The following DDX6 variants were observed in gnomAD, a reference collection of about 807,000 sequenced individuals.
DDX6 encodes the protein probable ATP-dependent RNA helicase DDX6.
Under a neutral mutation model 60.6 loss-of-function variants are expected in DDX6, and 7 were observed. The ratio of observed to expected loss-of-function variants is 0.12; its 90% CI spans 0.07 to 0.22. The LOEUF (loss-of-function observed/expected upper bound fraction) is 0.22, where lower values mean the gene tolerates loss of function less well. DDX6 is among the 10% of genes least tolerant of loss of function. The pLI is 1.00. For synonymous variants in DDX6, 207 were observed against 201.0 expected, an observed-to-expected ratio of 1.03 and a Z score of -0.25; for missense variants, 270 against 589.9, an observed-to-expected ratio of 0.46 and a Z score of 5.62.
chr11:118,750,840 A>G lies in DDX6; in HGVS notation c.*1265T>C, dbSNP rs555298949. ...GCTCTCTCTGGTAAACCTACTCCAA[A>G]GGTACTAGATGAGACAGTGTGGCAG... On this transcript the variant is annotated 3_prime_UTR_variant, in exon 14 of 14. Coordinates refer to ENST00000534980, the MANE Select transcript of DDX6 (RefSeq NM_004397.6). The G allele has an allele frequency of 7.2e-5, 11 of 152,550 alleles. 1 individual carries two copies. The South Asian group carries it at 2.1e-3, about 29-fold the overall frequency. 9.4% of individuals were successfully genotyped at this position (152,550 alleles called of 1,614,324 possible).
intron 4 of DDX6, among the ~76,000 whole-genome samples, chr11:118,777,412 A>T (rs1555163800): frequency 6.6e-6 from 1 of 152,152 alleles, no homozygotes; most frequent in Admixed American, 6.5e-5. Context: ...GTGTGTGTGG[A>T]TATGTATATA....
Position 118,783,021 on chromosome 11 carries a change from C to T in DDX6, c.201-1837G>A, listed in dbSNP as rs1049128908. ...TTCAACAAAATAGTGAATAATAATG[C>T]GTAAGATACAATGCAAAACCTGACC... On this transcript the variant is annotated intron_variant, in intron 2 of 13. Transcript: ENST00000534980. Among the ~76,000 whole-genome samples, 18 of 151,930 alleles carry T rather than the reference C, an allele frequency of 1.2e-4. 1 individual carries two copies. The highest frequency in any genetic ancestry group is 1.9e-4 in the East Asian group (1 of 5,202).
intron 1 of DDX6, chr11:118,787,392 C>G (rs1398658091): frequency 6.6e-6 from 1 of 152,228 alleles, no homozygotes; most frequent in Non-Finnish European, 1.5e-5. Context: ...CTGCTTGAAC[C>G]CAGGAGGCGG....
chr11:118,756,851 A>G (rs1555159081), intron 10 of DDX6, among the ~76,000 whole-genome samples: 1 of 150,608 alleles, frequency 6.6e-6, no homozygotes, highest in African/African-American at 2.5e-5. Flanking sequence ...ACATGTGGCT[A>G]TTTACTGTAT....
intron 2 of DDX6, 35 bp downstream of exon 2, chr11:118,786,017 A>G (rs930218242): frequency 2.5e-6 from 4 of 1,585,908 alleles, no homozygotes; most frequent in African/African-American, 1.3e-5. Context: ...TTGGTTCCCC[A>G]CAAGTGTTTA....
rs1860619696 is a variant in DDX6 at position 118,747,997 on chromosome 11, T to C, written c.*4108A>G. ...AAATTTTGAGTTCCCACTGTTCACT[T>C]CTCAGTGGAACTGGTCCCTTGTGGC... is the stretch of plus-strand genomic sequence containing the variant. On this transcript the variant is annotated 3_prime_UTR_variant, in exon 14 of 14. Coordinates refer to ENST00000534980, the MANE Select transcript of DDX6 (RefSeq NM_004397.6). The C allele has an allele frequency of 6.7e-6, 1 of 149,842 alleles. No individual in the cohort carries two copies. The highest frequency in any genetic ancestry group is 2.5e-5 in the African/African-American group (1 of 40,536). The allele number at this position is 149,842 out of a possible 1,614,324, so 9.3% of individuals were successfully genotyped here.
intron 4 of DDX6, among the ~76,000 whole-genome samples, chr11:118,769,809 A>G (rs181603672): frequency 0.029 from 4,456 of 151,960 alleles, 81 homozygotes; most frequent in Non-Finnish European, 0.043. Context: ...GGTTCACGCC[A>G]TTCTCCTGCC....
Position 118,757,285 on chromosome 11 carries a change from A to C in DDX6, c.996T>G (p.Leu332=), listed in dbSNP as rs782716033. The change falls in exon 10 of 14, where the codon CTT becomes CTG. Residue 332 remains leucine, a splice_region_variant and synonymous_variant. Coordinates refer to ENST00000534980, the MANE Select transcript of DDX6 (RefSeq NM_004397.6). Reference sequence around the variant, plus strand: ...AGAAAATGATCGACTGGTTTATCTGAAGCTGAGCACAGAAAAAAATAAGTA... The same window carrying C: ...AGAAAATGATCGACTGGTTTATCTGCAGCTGAGCACAGAAAAAAATAAGTA... ...VHCLNTLFSR[L]QINQSIIFCN... is the part of the protein sequence containing the mutation. 8.5e-6 allele frequency: 13 copies of C among 1,526,248 alleles called. No individual in the cohort carries two copies. The highest frequency in any genetic ancestry group is 1.1e-5 in the Non-Finnish European group (12 of 1,134,864). 94.5% of individuals were successfully genotyped at this position (1,526,248 alleles called of 1,614,324 possible).
intron 11 of DDX6, among the ~76,000 whole-genome samples, chr11:118,755,950 G>C (rs1207430930): frequency 6.6e-6 from 1 of 151,682 alleles, no homozygotes; most frequent in Non-Finnish European, 1.5e-5. Flanking sequence ...CCCAGGAGGT[G>C]GAGGTTTCAG....
At chr11:118,755,949 T>C (rs756679286) in intron 11 of DDX6, among the ~76,000 whole-genome samples, 8 of 143,750 alleles carry the variant, frequency 5.6e-5, no homozygotes, top group Non-Finnish European at 1.2e-4. Context: ...ACCCAGGAGG[T>C]GGAGGTTTCA....
Position 118,750,263 on chromosome 11 carries a change from TAAAAA to T in DDX6, c.*1837_*1841del, listed in dbSNP as rs543774123. 1.9e-4 allele frequency: 28 copies of T among 149,090 alleles called. No individual in the cohort carries two copies. In the Admixed American group the frequency reaches 1.9e-3, roughly 10 times the overall value. 9.2% of individuals were successfully genotyped at this position (149,090 alleles called of 1,614,324 possible). A position where few individuals can be genotyped will look rare whatever the true frequency, so the allele number is the denominator to read the frequency against. Reference sequence around the variant, plus strand: ...TGGGTTAAAAGGGAATTAAAAACATTAAAAAAAAAAGTTCACTGGTTTTGATTCAT... The same window carrying T: ...TGGGTTAAAAGGGAATTAAAAACATTAAAAAGTTCACTGGTTTTGATTCAT... On this transcript the variant is annotated 3_prime_UTR_variant, in exon 14 of 14. Transcript: ENST00000534980.
At chr11:118,791,504 G>A (rs1331213159), upstream of DDX6, 1 of 152,196 alleles carries the variant, frequency 6.6e-6, no homozygotes, top group East Asian at 1.9e-4. Flanking sequence ...GCCTGCCTTC[G>A]CCCCTCCAAA....
chr11:118,778,022 AAAAAAAAATTG>A (rs1861763463), intron 4 of DDX6, among the ~76,000 whole-genome samples: 1 of 132,492 alleles, frequency 7.5e-6, no homozygotes, highest in African/African-American at 4.0e-5. Context: ...AATAATAATA[AAAAAAAAATTG>A]AAAAAAATTG....
intron 9 of DDX6, among the ~76,000 whole-genome samples, chr11:118,757,929 C>T (rs1861034051): frequency 6.6e-6 from 1 of 152,090 alleles, no homozygotes; most frequent in Non-Finnish European, 1.5e-5. Context: ...CCAATGCCAC[C>T]AGCATTGGGC....
intron 4 of DDX6, among the ~76,000 whole-genome samples, chr11:118,772,479 T>C (rs1236465748): frequency 6.6e-6 from 1 of 152,156 alleles, no homozygotes; most frequent in African/African-American, 2.4e-5. Flanking sequence ...AGTATACCAG[T>C]GGTTGTTTAG....
At position 118,749,751 on chromosome 11, in the gene DDX6, C is replaced by G. The variant is rs1169631882; in HGVS notation, c.*2354G>C. The G allele has an allele frequency of 6.6e-6, 1 of 152,600 alleles. No individual in the cohort carries two copies. 9.5% of individuals were successfully genotyped at this position (152,600 alleles called of 1,614,324 possible). On this transcript the variant is annotated 3_prime_UTR_variant, in exon 14 of 14. Coordinates refer to ENST00000534980, the MANE Select transcript of DDX6 (RefSeq NM_004397.6). ...GGGGAGAAAGAGAGCTGCATCGGTA[C>G]AAGGGCACAATTTTTTTGGTCAAAA...
chr11:118,760,099 T>C, intron 7 of DDX6, 55 bp from the exon 8 acceptor site: 2 of 1,520,282 alleles, frequency 1.3e-6, no homozygotes, highest in Non-Finnish European at 1.8e-6. Flanking sequence ...TCTAAGGTCT[T>C]GGTTAATACA....
At chr11:118,756,426 A>G (rs1860978463) in intron 10 of DDX6, 103 bp from the exon 11 acceptor site, 2 of 837,864 alleles carry the variant, frequency 2.4e-6, no homozygotes, top group Non-Finnish European at 3.8e-6. Context: ...AAATCTGTTT[A>G]TAAGTGATCC....
chr11:118,770,179 C>T (rs1157515871), intron 4 of DDX6, among the ~76,000 whole-genome samples: 1 of 151,898 alleles, frequency 6.6e-6, no homozygotes, highest in Non-Finnish European at 1.5e-5. Flanking sequence ...GCGTGTGCCA[C>T]CACACCCAGC....
Sources: allele counts gnomAD v4.1 joint callset (sites outside exome capture counted in the v4.1 genomes callset), GRCh38; gene constraint gnomAD v4.1.1; transcripts MANE v1.5; gene names NCBI Gene and HGNC (gene_info 2026-07-23, HGNC 2026-07-21).